AGAP3: variants seen among roughly 807,000 people sequenced by gnomAD.
The protein encoded by AGAP3 is arf-GAP with GTPase, ANK repeat and PH domain-containing protein 3.
Under a neutral mutation model 96.9 loss-of-function variants are expected in AGAP3, and 24 were observed. That is an observed-to-expected ratio of 0.25 (90% CI 0.18 to 0.35). AGAP3 has a LOEUF of 0.35. Ranked by LOEUF, AGAP3 falls within the 10% of genes least tolerant of loss-of-function variation. The pLI is 1.00. For missense variants in AGAP3, 876 were observed against 1,254.2 expected (o/e 0.70, Z 4.55); for synonymous variants, 563 against 536.1 (o/e 1.05, Z -0.69).
chr7:151,117,974 A>G, intron 5 of AGAP3, 197 bp downstream of exon 5: 2 of 893,380 alleles, frequency 2.2e-6, no homozygotes, highest in South Asian at 1.8e-5. Flanking sequence ...CCCTGTGACT[A>G]GCAGGTCTGT....
At chr7:151,095,465 T>A (rs955952832) in intron 1 of AGAP3, among the ~76,000 whole-genome samples, 5 of 152,160 alleles carry the variant, frequency 3.3e-5, no homozygotes, top group African/African-American at 1.2e-4. Context: ...CAGTTTGGTG[T>A]TTTGATGGCT....
intron 8 of AGAP3, 76 bp downstream of exon 8, chr7:151,120,221 G>A: frequency 1.4e-6 from 2 of 1,481,084 alleles, no homozygotes; most frequent in Non-Finnish European, 9.1e-7. Flanking sequence ...TCCCAGCCAG[G>A]AGGGGCGTGG....
chr7:151,120,126 G>T lies in AGAP3; in HGVS notation c.1109G>T (p.Arg370Leu), dbSNP rs764106397. 2 of 1,611,768 alleles carry T rather than the reference G, an allele frequency of 1.2e-6. No individual in the cohort carries two copies. Among genetic ancestry groups the T allele is most frequent in the Non-Finnish European group, 1.7e-6 (2 of 1,178,798 alleles). ...ACACCCATCCGAAAGCAGTCCAAGC[G>T]GCGCTCCAACATCTTCACGGTACGT... ...TPTPIRKQSK[R>L]RSNIFTSRKG... The change falls in exon 8 of 18, where the codon CGG becomes CTG. Residue 370 changes from arginine (R) to leucine (L), a missense_variant. Around this residue, in one of 8 missense-constraint regions of AGAP3, gnomAD observed 100 missense variants for 129.4 expected, o/e 0.77. Transcript: ENST00000397238.
Position 151,114,216 on chromosome 7 carries a change from G to A in AGAP3, c.332-2577G>A, listed in dbSNP as rs145783834. 3.3e-5 allele frequency among the ~76,000 whole-genome samples: 5 copies of A among 152,356 alleles called. No homozygotes were observed. The highest frequency in any genetic ancestry group is 7.3e-5 in the Non-Finnish European group (5 of 68,040). On this transcript the variant is annotated intron_variant, in intron 1 of 17. Transcript: ENST00000397238. This position sits in a 1 kb window ranked among gnomAD's most constrained non-coding sequence, Gnocchi z 4.4. ...GCCGAAACTAAGACAGGACCACCTC[G>A]TTGAAGCTCGCGTGCTGCAGACGAG...
chr7:151,104,006 G>C (rs973572644), intron 1 of AGAP3, among the ~76,000 whole-genome samples: 118 of 152,182 alleles, frequency 7.8e-4, no homozygotes, highest in African/African-American at 2.7e-3. Context: ...GTGCCGTGGC[G>C]GGGGCGTGAG....
Position 151,138,254 on chromosome 7 carries a change from C to A in AGAP3, c.1607C>A (p.Ser536Tyr). The A allele has an allele frequency of 6.2e-7, 1 of 1,612,924 alleles. No individual in the cohort carries two copies. The highest frequency in any genetic ancestry group is 1.1e-5 in the South Asian group (1 of 91,032). Residue 536 changes from serine to tyrosine, a missense_variant, in exon 12 of 18, where the codon TCC (serine) becomes TAC (tyrosine). Ser to Tyr is a moderately radical substitution (Grantham distance 144, BLOSUM62 -2). This residue lies in a region of AGAP3 where 155 missense variants were observed against 144.4 expected (regional missense o/e 1.07). Transcript: ENST00000397238. ...EGLHQRSCSV[S>Y]SADQWSEATT... ...CTGCACCAGCGCTCCTGCTCCGTTTCCAGCGCCGACCAGTGGAGTGAGGCC... is the reference window on the plus strand; with the variant it reads ...CTGCACCAGCGCTCCTGCTCCGTTTACAGCGCCGACCAGTGGAGTGAGGCC...
At chr7:151,128,272 C>G in intron 9 of AGAP3, 1 of 361,902 alleles carries the variant, frequency 2.8e-6, no homozygotes, top group East Asian at 5.5e-5. Context: ...CTACACCCGA[C>G]GGTCTACACC....
At chr7:151,128,957 G>A (rs10264747) in intron 10 of AGAP3, among the ~76,000 whole-genome samples, 114,514 of 152,118 alleles carry the variant, frequency 0.75, 43,369 homozygotes, top group East Asian at 0.97. Context: ...CAGAATTTCT[G>A]GTCAGGGATG....
At chr7:151,116,652 T>G in intron 1 of AGAP3, 141 bp from the exon 2 acceptor site, 3 of 834,274 alleles carry the variant, frequency 3.6e-6, no homozygotes, top group Non-Finnish European at 6.0e-6. Context: ...GAACTAGGGG[T>G]GAGGGTTGGG....
Position 151,141,885 on chromosome 7 carries a change from AC to A in AGAP3, c.1805-6del, listed in dbSNP as rs746073858. On this transcript the variant is annotated splice_polypyrimidine_tract_variant and intron_variant, in intron 13 of 17. Coordinates refer to ENST00000397238, the MANE Select transcript of AGAP3 (RefSeq NM_031946.7). This position sits in a 1 kb window ranked among gnomAD's most constrained non-coding sequence, Gnocchi z 4.2. The stretch of plus-strand genomic sequence containing the variant: ...GGCCAGGAGCCCTGATGGCATAAAC[AC>A]CCCCCCAACAGAGGCAGAGGAGTCG... 4 of 1,612,682 alleles carry A rather than the reference AC, an allele frequency of 2.5e-6. No individual in the cohort carries two copies. Among genetic ancestry groups the A allele is most frequent in the East Asian group, 2.2e-5 (1 of 44,820 alleles).
chr7:151,117,252 G>C, intron 3 of AGAP3, 70 bp downstream of exon 3: 1 of 1,576,550 alleles, frequency 6.3e-7, no homozygotes, highest in Non-Finnish European at 8.7e-7. Context: ...CAGGGTCTGG[G>C]TGGGGGGTCT....
chr7:151,123,402 G>C (rs770126478), intron 8 of AGAP3: 1 of 1,077,430 alleles, frequency 9.3e-7, no homozygotes, highest in South Asian at 3.0e-5. Flanking sequence ...TGCCGCAGAC[G>C]GGCCATCTGC....
In AGAP3 at chr7:151,118,551, C is replaced by T. The variant is rs753003462; in HGVS notation, c.888C>T (p.Ile296=). 8.1e-6 allele frequency: 13 copies of T among 1,614,150 alleles called. No homozygotes were observed. The highest frequency in any genetic ancestry group is 6.6e-5 in the South Asian group (6 of 91,084). Residue 296 remains isoleucine, a synonymous_variant, in exon 7 of 18, where the codon ATC becomes ATT. Coordinates refer to ENST00000397238, the MANE Select transcript of AGAP3 (RefSeq NM_031946.7). This position sits in a 1 kb window ranked among gnomAD's most constrained non-coding sequence, Gnocchi z 6.1. The stretch of plus-strand genomic sequence containing the variant: ...TGCGAAAGAAGCAGCAACTGGCCAT[C>T]GGGCCCTGCAAGTCACTGCCCAACT... ...VALRKKQQLA[I]GPCKSLPNSP...
At position 151,114,907 on chromosome 7, in the gene AGAP3, C is replaced by T. The variant is rs1799474698; in HGVS notation, c.332-1886C>T. The stretch of plus-strand genomic sequence containing the variant: ...CGCGCTGCCGCCGCCCTGCAGGCCG[C>T]CCTCTGCGCCGCCAGTGAGCAGCCG... On this transcript the variant is annotated intron_variant, in intron 1 of 17. Transcript: ENST00000397238. This position sits in a 1 kb window ranked among gnomAD's most constrained non-coding sequence, Gnocchi z 4.4. 16 of 992,912 alleles carry T rather than the reference C, an allele frequency of 1.6e-5. No individual in the cohort carries two copies. Among genetic ancestry groups the T allele is most frequent in the Non-Finnish European group, 1.9e-5 (16 of 837,512 alleles). The allele number at this position is 992,912 out of a possible 1,614,324, so 61.5% of individuals were successfully genotyped here.
intron 1 of AGAP3, among the ~76,000 whole-genome samples, chr7:151,090,718 C>T (rs374602354): frequency 2.0e-3 from 303 of 152,212 alleles, no homozygotes; most frequent in Non-Finnish European, 3.5e-3. Context: ...CCAAGGCGGG[C>T]GGATCACGAG....
In AGAP3 at chr7:151,142,868, C is replaced by T. The variant is rs550480724; in HGVS notation, c.2273+234C>T. 1.4e-4 allele frequency among the ~76,000 whole-genome samples: 21 copies of T among 152,324 alleles called. No individual in the cohort carries two copies. The highest frequency in any genetic ancestry group is 2.2e-4 in the Non-Finnish European group (15 of 68,036). Reference sequence around the variant, plus strand: ...CAGCAGGTCAGGGGCCAGCAGGAGGCGCATGCGCAGGGCCCCTATCACGGT... The same window carrying T: ...CAGCAGGTCAGGGGCCAGCAGGAGGTGCATGCGCAGGGCCCCTATCACGGT... On this transcript the variant is annotated intron_variant, in intron 16 of 17. Transcript: ENST00000397238. The surrounding 1 kb of genome is among the most constrained non-coding windows in gnomAD (Gnocchi z 7.5).
intron 1 of AGAP3, among the ~76,000 whole-genome samples, chr7:151,109,204 C>T (rs1799183609): frequency 6.7e-6 from 1 of 148,854 alleles, no homozygotes; most frequent in African/African-American, 2.5e-5. Flanking sequence ...ACAAAGAAAA[C>T]AAAGAAAAAA....
chr7:151,142,398 C>T lies in AGAP3; in HGVS notation c.2051-14C>T. 6.2e-7 allele frequency: 1 copy of T among 1,610,958 alleles called. No individual in the cohort carries two copies. Among genetic ancestry groups the T allele is most frequent in the Non-Finnish European group, 8.5e-7 (1 of 1,177,636 alleles). ...TGCCTGCTGTCGCTGTATCATTCTCCTCTCCTTGCCTAGATCCAGACTGGG... is the reference window on the plus strand; with the variant it reads ...TGCCTGCTGTCGCTGTATCATTCTCTTCTCCTTGCCTAGATCCAGACTGGG... On this transcript the variant is annotated splice_polypyrimidine_tract_variant and intron_variant, in intron 15 of 17. Transcript: ENST00000397238. The surrounding 1 kb of genome is among the most constrained non-coding windows in gnomAD (Gnocchi z 7.5).
intron 1 of AGAP3, among the ~76,000 whole-genome samples, chr7:151,092,087 T>C (rs894899148): frequency 1.3e-5 from 2 of 152,176 alleles, no homozygotes; most frequent in African/African-American, 4.8e-5. Context: ...GCCGTGTTCC[T>C]AGAAACCGCA....
Sources: allele counts gnomAD v4.1 joint callset (sites outside exome capture counted in the v4.1 genomes callset), GRCh38; gene constraint gnomAD v4.1.1; regional missense constraint gnomAD v4.1.1; non-coding constraint Gnocchi (gnomAD v3.1); transcripts MANE v1.5; gene names NCBI Gene and HGNC (gene_info 2026-07-23, HGNC 2026-07-21).